Variants in TAB2 observed in about 807,000 individuals in gnomAD.
TAB2 encodes TGF-beta-activated kinase 1 and MAP3K7-binding protein 2.
A neutral mutation model predicts 65.0 loss-of-function variants in TAB2; 3 were observed. That is an observed-to-expected ratio of 0.05 (90% CI 0.02 to 0.12). The LOEUF (loss-of-function observed/expected upper bound fraction) is 0.12. Among genes scored for constraint, TAB2 ranks in the 10% least tolerant of loss-of-function variants. The pLI is 1.00. For synonymous variants in TAB2, 298 were observed against 285.1 expected, an observed-to-expected ratio of 1.05 and a Z score of -0.46; for missense variants, 623 against 840.3, an observed-to-expected ratio of 0.74 and a Z score of 3.20.
At chr6:149,376,521 T>G (rs1781403171) in intron 2 of TAB2, among the ~76,000 whole-genome samples, 1 of 152,242 alleles carries the variant, frequency 6.6e-6, no homozygotes, top group African/African-American at 2.4e-5. Flanking sequence ...TCTTTACTCG[T>G]GCCATTCTCT....
chr6:149,272,051 C>T (rs1259835796), intron 1 of TAB2, among the ~76,000 whole-genome samples: 2 of 152,014 alleles, frequency 1.3e-5, no homozygotes, highest in African/African-American at 2.4e-5. Context: ...TGAGTAATTG[C>T]CCTTCTGAGG....
intron 1 of TAB2, among the ~76,000 whole-genome samples, chr6:149,321,793 G>A (rs1779463281): frequency 6.6e-6 from 1 of 152,140 alleles, no homozygotes; most frequent in South Asian, 2.1e-4. Context: ...GTAAAATTGT[G>A]TATGTTATAT....
intron 1 of TAB2, among the ~76,000 whole-genome samples, chr6:149,300,718 T>A (rs1689055839): frequency 6.6e-6 from 1 of 152,170 alleles, no homozygotes; most frequent in Non-Finnish European, 1.5e-5. Context: ...AGACCCAATG[T>A]CAGACTGAGG....
intron 1 of TAB2, among the ~76,000 whole-genome samples, chr6:149,328,464 T>G (rs1262034961): frequency 6.6e-6 from 1 of 152,164 alleles, no homozygotes; most frequent in African/African-American, 2.4e-5. Flanking sequence ...GGCTAATTTT[T>G]TGTGTGTTTA....
At chr6:149,221,938 T>C (rs1325325755) in intron 1 of TAB2, among the ~76,000 whole-genome samples, 1 of 152,220 alleles carries the variant, frequency 6.6e-6, no homozygotes, top group Non-Finnish European at 1.5e-5. Flanking sequence ...TGTGTCGACT[T>C]GACTGGACTA....
At chr6:149,326,536 T>G (rs2094814677) in intron 1 of TAB2, among the ~76,000 whole-genome samples, 1 of 130,440 alleles carries the variant, frequency 7.7e-6, no homozygotes, top group South Asian at 2.7e-4. Context: ...CTTTTCAGCC[T>G]TGTGTTTTTG....
intron 1 of TAB2, among the ~76,000 whole-genome samples, chr6:149,264,869 T>C (rs945824149): frequency 2.0e-5 from 3 of 152,238 alleles, no homozygotes; most frequent in African/African-American, 7.2e-5. Flanking sequence ...AGAGAAGAAC[T>C]GTAGTGGCTA....
intron 1 of TAB2, among the ~76,000 whole-genome samples, chr6:149,227,180 G>A (rs758830310): frequency 6.6e-6 from 1 of 151,990 alleles, no homozygotes; most frequent in Non-Finnish European, 1.5e-5. Context: ...CTTCTTTCCT[G>A]GTTATATGAA....
intron 1 of TAB2, among the ~76,000 whole-genome samples, chr6:149,260,771 G>T (rs141334925): frequency 6.6e-6 from 1 of 152,144 alleles, no homozygotes; most frequent in East Asian, 1.9e-4. Flanking sequence ...AATCTGAGTG[G>T]CAATGACACA....
chr6:149,377,861 T>A (rs1233934708), intron 2 of TAB2, among the ~76,000 whole-genome samples, 157 bp from the exon 3 acceptor site: 1 of 152,222 alleles, frequency 6.6e-6, no homozygotes, highest in Non-Finnish European at 1.5e-5. Context: ...GATTTTTAAT[T>A]CAATCATTTG....
At chr6:149,289,155 G>C (rs1481129866) in intron 1 of TAB2, among the ~76,000 whole-genome samples, 1 of 151,866 alleles carries the variant, frequency 6.6e-6, no homozygotes, top group Non-Finnish European at 1.5e-5. Context: ...CACCATGCCA[G>C]GTCAACGTGA....
At chr6:149,360,050 A>G (rs1780792135) in intron 1 of TAB2, among the ~76,000 whole-genome samples, 2 of 152,212 alleles carry the variant, frequency 1.3e-5, no homozygotes, top group South Asian at 2.1e-4. Flanking sequence ...ATCCAGCTCT[A>G]TAGTTTGTAT....
chr6:149,349,408 A>G (rs1353498029), intron 1 of TAB2, among the ~76,000 whole-genome samples: 1 of 146,404 alleles, frequency 6.8e-6, no homozygotes, highest in Non-Finnish European at 1.5e-5. Flanking sequence ...CAACAGAGTG[A>G]CACTCCGTCT....
At chr6:149,338,722 A>C (rs918936046) in intron 1 of TAB2, among the ~76,000 whole-genome samples, 1 of 152,222 alleles carries the variant, frequency 6.6e-6, no homozygotes, top group South Asian at 2.1e-4. Flanking sequence ...TTGAGATCTT[A>C]GTGTTTCTGA....
chr6:149,259,881 C>T (rs1778116816), intron 1 of TAB2, among the ~76,000 whole-genome samples: 1 of 152,174 alleles, frequency 6.6e-6, no homozygotes, highest in East Asian at 1.9e-4. Flanking sequence ...CACTGTAGCC[C>T]ATGACAGGGA....
rs193222592 is a variant in TAB2, at chr6:149,269,843, A to G, written c.-121+51067A>G. ...TCACATTTTGTTTATCCATTGCCCAACTGAGTGACATTTGGTTGTTTCCAG... is the reference window on the plus strand; with the variant it reads ...TCACATTTTGTTTATCCATTGCCCAGCTGAGTGACATTTGGTTGTTTCCAG... On this transcript the variant is annotated intron_variant, in intron 1 of 1. Coordinates refer to the TAB2 transcript ENST00000606202. 7.2e-4 allele frequency among the ~76,000 whole-genome samples: 110 copies of G among 152,334 alleles called. 1 individual carries two copies. The highest frequency in any genetic ancestry group is 2.2e-4 in the Non-Finnish European group (15 of 68,038).
At chr6:149,407,743 A>G (rs1782714520) in intron 6 of TAB2, among the ~76,000 whole-genome samples, 1 of 151,544 alleles carries the variant, frequency 6.6e-6, no homozygotes, top group African/African-American at 2.4e-5. Flanking sequence ...CTTTTTTCCA[A>G]TTTTGGTTAT....
At chr6:149,298,947 T>A (rs1398435816) in intron 1 of TAB2, among the ~76,000 whole-genome samples, 1 of 152,250 alleles carries the variant, frequency 6.6e-6, no homozygotes, top group Non-Finnish European at 1.5e-5. Context: ...CTGCTTATGT[T>A]AATTTTGAAT....
intron 1 of TAB2, among the ~76,000 whole-genome samples, chr6:149,241,491 T>C (rs1777597530): frequency 6.6e-6 from 1 of 152,220 alleles, no homozygotes; most frequent in Admixed American, 6.5e-5. Context: ...CTTGAAAAGG[T>C]TGAATATTTG....
Sources: gnomAD v4.1 joint callset for allele counts (sites outside exome capture counted in the v4.1 genomes callset) on GRCh38, gnomAD v4.1.1 for gene constraint, MANE v1.5 for transcripts, NCBI Gene and HGNC (gene_info 2026-07-23, HGNC 2026-07-21) for gene names.